TBCK: variants seen among roughly 807,000 people sequenced by gnomAD.
The protein encoded by TBCK is TBC1 domain containing kinase.
A neutral mutation model predicts 113.4 loss-of-function variants in TBCK; 99 were observed. The observed-to-expected ratio is 0.87, with a 90% CI of 0.74 to 1.03. The LOEUF is 1.03. TBCK is among the 50% of genes least tolerant of loss of function. TBCK has a pLI of 0.00. For missense variants in TBCK, 1,045 were observed against 1,061.3 expected (o/e 0.98, Z 0.21); for synonymous variants, 369 against 370.8 (o/e 1.00, Z 0.05).
At chr4:106,246,378 T>A (rs2150047131) in intron 10 of TBCK, among the ~76,000 whole-genome samples, 1 of 152,270 alleles carries the variant, frequency 6.6e-6, no homozygotes, top group Admixed American at 6.5e-5. Context: ...GTAACTGGTG[T>A]CACTAAACCT....
intron 23 of TBCK, among the ~76,000 whole-genome samples, chr4:106,160,331 T>C (rs1236078046): frequency 1.3e-5 from 2 of 151,926 alleles, no homozygotes; most frequent in Admixed American, 6.6e-5. Flanking sequence ...CAGAGTAAAA[T>C]GGCAACCTAC....
At position 106,212,764 on chromosome 4, in the gene TBCK, C is replaced by T. The variant is rs1282082588; in HGVS notation, c.1846G>A (p.Gly616Ser). The T allele has an allele frequency of 1.2e-6, 2 of 1,608,824 alleles. No homozygotes were observed. The highest frequency in any genetic ancestry group is 1.7e-6 in the Non-Finnish European group (2 of 1,176,802). The part of the protein sequence containing the change: ...PELSNHLNEI[G>S]FIPDLYAIPW... ...CAAGTACTTACATCTGGAATGAAAC[C>T]AATCTCATTGAGATGATTACTCAGC... The change falls in exon 20 of 26, where the codon GGT becomes AGT. Residue 616 changes from glycine (G) to serine (S), a missense_variant. Gly to Ser is a moderately conservative substitution (Grantham distance 56). Coordinates refer to ENST00000394708, the MANE Select transcript of TBCK (RefSeq NM_001163435.3).
intron 23 of TBCK, among the ~76,000 whole-genome samples, chr4:106,146,241 A>T (rs752644661): frequency 5.9e-5 from 9 of 152,210 alleles, no homozygotes; most frequent in Admixed American, 1.3e-4. Flanking sequence ...ATACATATAC[A>T]TATACATGGA....
chr4:106,194,853 T>C, intron 20 of TBCK, 99 bp from the exon 21 acceptor site: 2 of 1,097,680 alleles, frequency 1.8e-6, no homozygotes, highest in Non-Finnish European at 2.6e-6. Context: ...GTAAGTTCTA[T>C]GTTTTGGTCT....
intron 23 of TBCK, among the ~76,000 whole-genome samples, chr4:106,169,758 T>A (rs1009420952): frequency 6.6e-6 from 1 of 152,102 alleles, no homozygotes. Flanking sequence ...CTCTTCATAA[T>A]GTACAATCAG....
chr4:106,093,899 T>C (rs190813520), intron 25 of TBCK, among the ~76,000 whole-genome samples: 7 of 152,208 alleles, frequency 4.6e-5, no homozygotes, highest in Admixed American at 3.9e-4. Flanking sequence ...ATGTAAACTG[T>C]GGACTTGGGA....
At chr4:106,069,393 A>G (rs1156965574) in intron 25 of TBCK, among the ~76,000 whole-genome samples, 1 of 152,194 alleles carries the variant, frequency 6.6e-6, no homozygotes, top group African/African-American at 2.4e-5. Context: ...ATCATTTATT[A>G]AATAGGGAAT....
At chr4:106,237,914 A>C (rs1490810898) in intron 12 of TBCK, among the ~76,000 whole-genome samples, 1 of 152,080 alleles carries the variant, frequency 6.6e-6, no homozygotes, top group Non-Finnish European at 1.5e-5. Context: ...GTCTTTTCTA[A>C]ATAAAAACTT....
chr4:106,250,369 T>C (rs890871274), intron 7 of TBCK, 49 bp downstream of exon 7: 3 of 1,220,530 alleles, frequency 2.5e-6, no homozygotes, highest in Non-Finnish European at 3.6e-6. Flanking sequence ...TGATTACTAA[T>C]AGTAAGTTAT....
At chr4:106,062,975 T>G (rs1454138097) in intron 25 of TBCK, among the ~76,000 whole-genome samples, 1 of 151,906 alleles carries the variant, frequency 6.6e-6, no homozygotes, top group African/African-American at 2.4e-5. Flanking sequence ...ACACAAAACT[T>G]ATGAAAAGCT....
At chr4:106,107,581 G>A (rs1219079760) in intron 24 of TBCK, among the ~76,000 whole-genome samples, 1 of 152,088 alleles carries the variant, frequency 6.6e-6, no homozygotes, top group African/African-American at 2.4e-5. Context: ...TTCTTTTAAA[G>A]TAAAGAGAAC....
intron 23 of TBCK, among the ~76,000 whole-genome samples, chr4:106,120,134 C>T (rs1744090906): frequency 6.6e-6 from 1 of 152,194 alleles, no homozygotes; most frequent in Non-Finnish European, 1.5e-5. Context: ...CGAAGCAGGG[C>T]AAGGCATTGC....
At chr4:106,069,616 T>C (rs1424456319) in intron 25 of TBCK, among the ~76,000 whole-genome samples, 1 of 152,234 alleles carries the variant, frequency 6.6e-6, no homozygotes, top group African/African-American at 2.4e-5. Context: ...TAGAATTGTC[T>C]TGACAATGCC....
chr4:106,233,375 T>C (rs1448317051), intron 16 of TBCK, among the ~76,000 whole-genome samples: 2 of 152,022 alleles, frequency 1.3e-5, no homozygotes, highest in African/African-American at 4.8e-5. Context: ...GATGAAGAAC[T>C]ACAGTATTTT....
Position 106,232,797 on chromosome 4 carries a change from A to C in TBCK, c.1639+141T>G, listed in dbSNP as rs1303513508. ...AGATTTTTAAAAATGTTTGGATGTA[A>C]ACCTCTCAAAAAATGAATCAGAGCG... is the stretch of plus-strand genomic sequence containing the variant. On this transcript the variant is annotated intron_variant, in intron 17 of 25. Coordinates refer to ENST00000394708, the MANE Select transcript of TBCK (RefSeq NM_001163435.3). 13 of 739,582 alleles carry C rather than the reference A, an allele frequency of 1.8e-5. No individual in the cohort carries two copies. The African/African-American group carries it at 2.3e-4, about 13-fold the overall frequency. The allele number at this position is 739,582 out of a possible 1,614,324, so 45.8% of individuals were successfully genotyped here.
chr4:106,212,936 T>A, intron 19 of TBCK, 101 bp from the exon 20 acceptor site: 1 of 749,396 alleles, frequency 1.3e-6, no homozygotes, highest in Non-Finnish European at 2.2e-6. Flanking sequence ...AGATTTAATT[T>A]CTCCATGAGA....
chr4:106,269,646 T>C (rs1763296280), intron 3 of TBCK, among the ~76,000 whole-genome samples: 1 of 152,146 alleles, frequency 6.6e-6, no homozygotes, highest in South Asian at 2.1e-4. Flanking sequence ...TACCTAAAGA[T>C]TGTTTTATAG....
intron 20 of TBCK, among the ~76,000 whole-genome samples, chr4:106,198,407 CAT>C (rs1374137590): frequency 6.6e-6 from 1 of 152,082 alleles, no homozygotes; most frequent in Non-Finnish European, 1.5e-5. Flanking sequence ...CTTCCCTACA[CAT>C]GTTCTACTTC....
intron 19 of TBCK, among the ~76,000 whole-genome samples, chr4:106,220,408 C>CTT (rs1033091022): frequency 6.6e-6 from 1 of 151,660 alleles, no homozygotes; most frequent in African/African-American, 2.4e-5. Flanking sequence ...TTAAACCTCT[C>CTT]TTTTTTTTTC....
Sources: allele counts gnomAD v4.1 joint callset (sites outside exome capture counted in the v4.1 genomes callset), GRCh38; gene constraint gnomAD v4.1.1; transcripts MANE v1.5; gene names NCBI Gene and HGNC (gene_info 2026-07-23, HGNC 2026-07-21).